The following USP1 variants were observed in gnomAD, a reference collection of about 807,000 sequenced individuals.
USP1 encodes the protein ubiquitin specific peptidase 1.
In USP1, 18 loss-of-function variants were observed where a neutral mutation model predicts 72.2. The ratio of observed to expected loss-of-function variants is 0.25; its 90% confidence interval spans 0.17 to 0.37. The LOEUF is 0.37. Ranked by LOEUF, USP1 falls within the 10% of genes least tolerant of loss-of-function variation. The probability of loss-of-function intolerance (pLI) is 1.00; values close to 1 mark genes in which losing one functional copy is unlikely to be tolerated. For missense variants in USP1, 759 were observed against 884.9 expected (o/e 0.86, Z 1.81); for synonymous variants, 354 against 303.7 (o/e 1.17, Z -1.72).
chr1:62,446,117 T>C lies in USP1; in HGVS notation c.1249+688T>C, dbSNP rs568465221. ...TTAGTGAAATTTTAAAAGTAAAGAC[T>C]AAGTACAGTCATGTGTTGCTTAACA... On this transcript the variant is annotated intron_variant, in intron 6 of 8. Coordinates refer to ENST00000339950, the MANE Select transcript of USP1 (RefSeq NM_003368.5). Among the ~76,000 whole-genome samples, 5 of 152,338 alleles carry C rather than the reference T, an allele frequency of 3.3e-5. No homozygotes were observed. The South Asian group carries it at 8.3e-4, about 25-fold the overall frequency.
At chr1:62,449,684 G>A (rs113011966) in intron 8 of USP1, among the ~76,000 whole-genome samples, 317 of 152,262 alleles carry the variant, frequency 2.1e-3, no homozygotes, top group African/African-American at 7.4e-3. Context: ...GGGAGGCTGA[G>A]ATGGATGGCT....
chr1:62,436,491 G>C (rs910369950), upstream of USP1: 2 of 152,266 alleles, frequency 1.3e-5, no homozygotes, highest in African/African-American at 4.8e-5. Context: ...TGATTGGCTG[G>C]AGCCCACCTT....
intron 8 of USP1, among the ~76,000 whole-genome samples, chr1:62,449,316 C>A (rs2149208059): frequency 6.6e-6 from 1 of 152,256 alleles, no homozygotes; most frequent in East Asian, 1.9e-4. Context: ...AGGCTAAATT[C>A]TTCCTAGTTT....
In USP1 at chr1:62,441,471, C is replaced by T. The variant is rs1645133801; in HGVS notation, c.171-17C>T. The T allele has an allele frequency of 3.2e-6, 5 of 1,580,530 alleles. No individual in the cohort carries two copies. The highest frequency in any genetic ancestry group is 3.4e-6 in the Non-Finnish European group (4 of 1,167,842). ...TTTAAGATAACTACTTATCGTTCTC[C>T]CTTCTATATTTCATAGTGATCAAGT... On this transcript the variant is annotated splice_polypyrimidine_tract_variant and intron_variant, in intron 2 of 8. Coordinates refer to ENST00000339950, the MANE Select transcript of USP1 (RefSeq NM_003368.5).
chr1:62,450,489 T>C lies in USP1; in HGVS notation c.1866T>C (p.Gly622=), dbSNP rs774698196. The C allele has an allele frequency of 1.2e-6, 2 of 1,614,094 alleles. No individual in the cohort carries two copies. The change falls in exon 9 of 9, where the codon GGT becomes GGC. Residue 622 remains glycine (G), a synonymous_variant. Coordinates refer to ENST00000339950, the MANE Select transcript of USP1 (RefSeq NM_003368.5). ...NFVVDQMCEI[G]KPEPLNEEEA... ...TGGTTGACCAAATGTGTGAAATAGGTAAGCCAGAACCATTGAATGAGGAGG... is the reference window on the plus strand; with the variant it reads ...TGGTTGACCAAATGTGTGAAATAGGCAAGCCAGAACCATTGAATGAGGAGG...
intron 8 of USP1, among the ~76,000 whole-genome samples, chr1:62,449,598 T>C (rs1259555464): frequency 2.6e-5 from 4 of 152,058 alleles, no homozygotes; most frequent in Admixed American, 2.0e-4. Flanking sequence ...CAAATTTTGG[T>C]AGAGAAAAAC....
At position 62,450,952 on chromosome 1, in the gene USP1, CCTTA is replaced by C; in HGVS notation, c.2333_2336del (p.Tyr778CysfsTer18). The C allele has an allele frequency of 6.3e-7, 1 of 1,598,298 alleles. No individual in the cohort carries two copies. Among genetic ancestry groups the C allele is most frequent in the Non-Finnish European group, 8.5e-7 (1 of 1,175,866 alleles). On this transcript the variant is annotated frameshift_variant, in exon 9 of 9. Coordinates refer to ENST00000339950, the MANE Select transcript of USP1 (RefSeq NM_003368.5). LOFTEE classifies it high-confidence loss of function. ...CCCTTCTACATCTCCTACTTCTACT[CCTTA>C]CTTGCTATTTTATAAGAAATTATAG...
At position 62,451,704 on chromosome 1, in the gene USP1, TGGGA is replaced by T. The variant is rs1238757840; in HGVS notation, c.*726_*729del. 1 of 152,582 alleles carries T rather than the reference TGGGA, an allele frequency of 6.6e-6. No homozygotes were observed. Among genetic ancestry groups the T allele is most frequent in the Non-Finnish European group, 1.5e-5 (1 of 68,018 alleles). 9.5% of individuals were successfully genotyped at this position (152,582 alleles called of 1,614,324 possible). A position where few individuals can be genotyped will look rare whatever the true frequency, so the allele number is the denominator to read the frequency against. ...CTTAAATTTAACTTTTTTTAAAAAC[TGGGA>T]GGTCAATAAAATTTAAACTGCTTAA... On this transcript the variant is annotated 3_prime_UTR_variant, in exon 9 of 9. Transcript: ENST00000339950.
At chr1:62,438,326 G>A (rs1260951258) in intron 1 of USP1, among the ~76,000 whole-genome samples, 1 of 152,148 alleles carries the variant, frequency 6.6e-6, no homozygotes, top group Non-Finnish European at 1.5e-5. Flanking sequence ...CTTAGCGCAG[G>A]TTGGTTTATC....
In USP1 at chr1:62,445,312, C is replaced by A; in HGVS notation, c.1132C>A (p.Pro378Thr). ...ACAATCTAAAGAAAATGAATGTGAT[C>A]CTGAAGAGGACTTGGGGAAGTGTGA... Reference protein sequence around the residue: ...KGQSKENECDPEEDLGKCESD... With the variant: ...KGQSKENECDTEEDLGKCESD... Residue 378 changes from proline to threonine, a missense_variant, in exon 6 of 9, where the codon CCT (proline) becomes ACT (threonine). Around this residue, in one of 9 missense-constraint regions of USP1, gnomAD observed 245 missense variants for 240.7 expected, o/e 1.02. Coordinates refer to ENST00000339950, the MANE Select transcript of USP1 (RefSeq NM_003368.5). 1.2e-6 allele frequency: 2 copies of A among 1,613,506 alleles called. No homozygotes were observed. Among genetic ancestry groups the A allele is most frequent in the African/African-American group, 1.3e-5 (1 of 74,982 alleles).
chr1:62,451,260 A>C lies in USP1; in HGVS notation c.*279A>C. ...AAAACGGAGGCATTTAAACACTTGG[A>C]TTTACACCAGTCTTTTGTGTTTGCT... On this transcript the variant is annotated 3_prime_UTR_variant, in exon 9 of 9. Coordinates refer to ENST00000339950, the MANE Select transcript of USP1 (RefSeq NM_003368.5). The C allele has an allele frequency of 3.9e-6, 1 of 255,686 alleles. No individual in the cohort carries two copies. Among genetic ancestry groups the C allele is most frequent in the Non-Finnish European group, 7.3e-6 (1 of 136,962 alleles). The allele number at this position is 255,686 out of a possible 1,614,324, so 15.8% of individuals were successfully genotyped here. A position where few individuals can be genotyped will look rare whatever the true frequency, so the allele number is the denominator to read the frequency against.
Position 62,445,523 on chromosome 1 carries a change from G to A in USP1, c.1249+94G>A. The stretch of plus-strand genomic sequence containing the variant: ...TAGATACATGTACAATATAATCTCT[G>A]GCTAAAATTGTTTCAAGAGAAGGAA... On this transcript the variant is annotated intron_variant, in intron 6 of 8. Transcript: ENST00000339950. The A allele has an allele frequency of 3.4e-6, 4 of 1,185,248 alleles. No homozygotes were observed. In the East Asian group the frequency reaches 1.1e-4, roughly 32 times the overall value. The allele number at this position is 1,185,248 out of a possible 1,614,324, so 73.4% of individuals were successfully genotyped here. A position where few individuals can be genotyped will look rare whatever the true frequency, so the allele number is the denominator to read the frequency against.
chr1:62,449,905 TAAAAAA>T (rs547815480), intron 8 of USP1, among the ~76,000 whole-genome samples: 1 of 141,782 alleles, frequency 7.1e-6, no homozygotes, highest in East Asian at 2.0e-4. Context: ...GACCCTGCCT[TAAAAAA>T]AAAAAAACCC....
intron 6 of USP1, among the ~76,000 whole-genome samples, chr1:62,446,527 A>C (rs1645175459): frequency 6.6e-6 from 1 of 152,234 alleles, no homozygotes; most frequent in Non-Finnish European, 1.5e-5. Flanking sequence ...GTATCTAAGC[A>C]TAGATATGTA....
chr1:62,448,131 A>C (rs1645189206), intron 7 of USP1, among the ~76,000 whole-genome samples: 1 of 152,236 alleles, frequency 6.6e-6, no homozygotes, highest in African/African-American at 2.4e-5. Context: ...TGTTGTGTCT[A>C]GAGCATACCA....
At position 62,439,785 on chromosome 1, in the gene USP1, T is replaced by A. The variant is rs1468558921; in HGVS notation, c.-69-14T>A. The A allele has an allele frequency of 6.6e-6, 8 of 1,209,004 alleles. No homozygotes were observed. The highest frequency in any genetic ancestry group is 3.1e-5 in the African/African-American group (2 of 64,386). The allele number at this position is 1,209,004 out of a possible 1,614,324, so 74.9% of individuals were successfully genotyped here. On this transcript the variant is annotated splice_polypyrimidine_tract_variant and intron_variant, in intron 1 of 8. Transcript: ENST00000339950. ...ATAACCAAAAACTAATGAAACTTTC[T>A]CTGTGATTAACAGATATAATTGGTG...
Position 62,439,826 on chromosome 1 carries a change from T to C in USP1, c.-42T>C, listed in dbSNP as rs1269548730. 1.5e-6 allele frequency: 2 copies of C among 1,336,060 alleles called. No homozygotes were observed. The highest frequency in any genetic ancestry group is 1.9e-6 in the Non-Finnish European group (2 of 1,032,922). The allele number at this position is 1,336,060 out of a possible 1,614,324, so 82.8% of individuals were successfully genotyped here. A position where few individuals can be genotyped will look rare whatever the true frequency, so the allele number is the denominator to read the frequency against. ...ATAATTGGTGATTACAACTTTCCTCTATAAATTAACTCTTGACACTCCTTG... is the reference window on the plus strand; with the variant it reads ...ATAATTGGTGATTACAACTTTCCTCCATAAATTAACTCTTGACACTCCTTG... On this transcript the variant is annotated 5_prime_UTR_variant, in exon 2 of 9. Coordinates refer to ENST00000339950, the MANE Select transcript of USP1 (RefSeq NM_003368.5).
chr1:62,442,859 A>T (rs572176501), intron 4 of USP1, among the ~76,000 whole-genome samples: 1 of 152,070 alleles, frequency 6.6e-6, no homozygotes, highest in East Asian at 1.9e-4. Context: ...AAAAACTAGT[A>T]GGGCGTCATG....
intron 1 of USP1, among the ~76,000 whole-genome samples, chr1:62,438,003 G>C (rs1333491928): frequency 6.6e-6 from 1 of 152,128 alleles, no homozygotes; most frequent in Admixed American, 6.5e-5. Flanking sequence ...TGCGAAAGTT[G>C]ATTTAGTTAC....
Sources: allele counts gnomAD v4.1 joint callset (sites outside exome capture counted in the v4.1 genomes callset), GRCh38; gene constraint gnomAD v4.1.1; regional missense constraint gnomAD v4.1.1; transcripts MANE v1.5; gene names NCBI Gene and HGNC (gene_info 2026-07-23, HGNC 2026-07-21).